Variants in LRRK1 observed in about 807,000 individuals in gnomAD.
LRRK1 encodes the protein leucine rich repeat kinase 1.
LRRK1 carries 113 observed loss-of-function variants against 209.1 expected under a neutral mutation model. The ratio of observed to expected loss-of-function variants is 0.54; its 90% CI spans 0.46 to 0.63. The LOEUF (loss-of-function observed/expected upper bound fraction) is 0.63, where lower values mean the gene tolerates loss of function less well. Ranked by LOEUF, LRRK1 falls within the 30% of genes least tolerant of loss-of-function variation. LRRK1 has a pLI of 0.00. For synonymous variants in LRRK1, 1,144 were observed against 1,099.7 expected (o/e 1.04, Z -0.80); for missense variants, 2,284 against 2,632.2 (o/e 0.87, Z 2.89).
In LRRK1 at chr15:100,919,840, C is replaced by T. The variant is rs1235578482; in HGVS notation, c.-123+389C>T. ...CACGAGCCGGGGAGCCCATAGGTTT[C>T]CTCTGCCTTTGGAGCGAACCCAGTC... On this transcript the variant is annotated intron_variant, in intron 1 of 33. Transcript: ENST00000388948. The surrounding 1 kb of genome is among the most constrained non-coding windows in gnomAD (Gnocchi z 5.8). Among the ~76,000 whole-genome samples the T allele has an allele frequency of 1.3e-5, 2 of 152,196 alleles. No individual in the cohort carries two copies. Among genetic ancestry groups the T allele is most frequent in the Non-Finnish European group, 2.9e-5 (2 of 68,028 alleles).
At chr15:101,044,983 C>T (rs553671032) in intron 20 of LRRK1, among the ~76,000 whole-genome samples, 2 of 152,330 alleles carry the variant, frequency 1.3e-5, no homozygotes, top group African/African-American at 4.8e-5. Flanking sequence ...GAAAAGGCCT[C>T]CTGCTTCACC....
At chr15:101,012,172 A>C in intron 10 of LRRK1, 27 bp downstream of exon 10, 1 of 1,570,346 alleles carries the variant, frequency 6.4e-7, no homozygotes, top group South Asian at 1.2e-5. Flanking sequence ...TTTCTTTCTC[A>C]TTTTCGGCTT....
At chr15:101,006,327 A>G (rs1014936279) in intron 6 of LRRK1, among the ~76,000 whole-genome samples, 1 of 150,860 alleles carries the variant, frequency 6.6e-6, no homozygotes. Flanking sequence ...TCTGCCCCCG[A>G]TGAAGAGGCT....
chr15:100,989,206 A>G, intron 5 of LRRK1, 44 bp from the exon 6 acceptor site: 4 of 1,410,630 alleles, frequency 2.8e-6, no homozygotes, highest in Admixed American at 1.8e-5. Flanking sequence ...CGACTGTGAC[A>G]CTAGCATCTG....
At chr15:101,068,163 A>G (rs2036638478) in intron 33 of LRRK1, among the ~76,000 whole-genome samples, 1 of 152,236 alleles carries the variant, frequency 6.6e-6, no homozygotes, top group South Asian at 2.1e-4. Context: ...AACTGTCCAC[A>G]GTTTCAAAAA....
intron 33 of LRRK1, among the ~76,000 whole-genome samples, chr15:101,067,769 C>T (rs527952364): frequency 6.6e-6 from 1 of 152,192 alleles, no homozygotes; most frequent in African/African-American, 2.4e-5. Context: ...AAGCCTTGAA[C>T]TGATGGAGTT....
rs1460242604 is a variant in LRRK1 at position 101,051,855 on chromosome 15, T to G, written c.3584T>G (p.Leu1195Arg). ...VQYFDMEDCV[L>R]TAIERDFISC... ...TACTTCGACATGGAAGACTGTGTCC[T>G]GACGGCCATCGAGCGGGACTTCATC... The change falls in exon 24 of 34, where the codon CTG (leucine) becomes CGG (arginine). Residue 1195 changes from leucine (L) to arginine (R), a missense_variant. Physicochemically the swap from Leu to Arg is moderately radical, Grantham distance 102. Transcript: ENST00000388948. 6 of 1,614,154 alleles carry G rather than the reference T, an allele frequency of 3.7e-6. No homozygotes were observed. Among genetic ancestry groups the G allele is most frequent in the Non-Finnish European group, 4.2e-6 (5 of 1,180,042 alleles).
chr15:100,983,830 C>A (rs779008608), intron 4 of LRRK1, 131 bp downstream of exon 4: 5 of 951,980 alleles, frequency 5.3e-6, no homozygotes, highest in Non-Finnish European at 8.5e-6. Context: ...CCATTGACAC[C>A]CAAACAAAGT....
At chr15:100,977,142 A>G (rs2031339950) in intron 3 of LRRK1, among the ~76,000 whole-genome samples, 1 of 151,752 alleles carries the variant, frequency 6.6e-6, no homozygotes, top group South Asian at 2.1e-4. Flanking sequence ...ATCCCAAACC[A>G]GATACTGAGG....
intron 21 of LRRK1, among the ~76,000 whole-genome samples, chr15:101,046,836 G>A (rs970061000): frequency 2.0e-5 from 3 of 152,244 alleles, no homozygotes; most frequent in African/African-American, 7.2e-5. Flanking sequence ...TTTACCTGGG[G>A]TTACAGGAAG....
At position 101,061,197 on chromosome 15, in the gene LRRK1, A is replaced by C. The variant is rs2036155635; in HGVS notation, c.4706A>C (p.Lys1569Thr). ...SRNYTVVNTEKGLMEVQRMCC... is the reference protein window; with the variant it reads ...SRNYTVVNTETGLMEVQRMCC... ...AACTACACGGTGGTGAACACAGAGAAGGGCCTCATGGAGGTGCAGAGGATG... is the reference window on the plus strand; with the variant it reads ...AACTACACGGTGGTGAACACAGAGACGGGCCTCATGGAGGTGCAGAGGATG... The change falls in exon 30 of 34, where the codon AAG (lysine) becomes ACG (threonine). Residue 1569 changes from lysine to threonine, a missense_variant. Physicochemically the swap from Lys to Thr is moderately conservative, Grantham distance 78 (BLOSUM62 -1). Transcript: ENST00000388948. The C allele has an allele frequency of 6.2e-7, 1 of 1,614,060 alleles. No homozygotes were observed. Among genetic ancestry groups the C allele is most frequent in the East Asian group, 2.2e-5 (1 of 44,870 alleles).
chr15:100,927,468 C>T (rs371998647), intron 2 of LRRK1, among the ~76,000 whole-genome samples: 1 of 152,138 alleles, frequency 6.6e-6, no homozygotes, highest in South Asian at 2.1e-4. Flanking sequence ...CTGTATAACC[C>T]AAGGGACACA....
At chr15:100,923,243 A>G (rs2042050284) in intron 1 of LRRK1, among the ~76,000 whole-genome samples, 1 of 152,134 alleles carries the variant, frequency 6.6e-6, no homozygotes, top group Admixed American at 6.5e-5. Context: ...GTGGATGTCT[A>G]TTTTTAACAG....
chr15:100,981,936 A>G (rs1438296399), intron 3 of LRRK1, among the ~76,000 whole-genome samples: 8 of 152,232 alleles, frequency 5.3e-5, no homozygotes, highest in African/African-American at 1.9e-4. Flanking sequence ...GGGGCTGTTT[A>G]TGCATATTCC....
chr15:101,061,063 G>T (rs1466199848), intron 29 of LRRK1, 108 bp from the exon 30 acceptor site: 3 of 804,532 alleles, frequency 3.7e-6, no homozygotes, highest in Non-Finnish European at 6.4e-6. Context: ...GCAACCCTGG[G>T]TGGGAGCAGG....
chr15:101,027,260 G>A lies in LRRK1; in HGVS notation c.2406-1G>A. The A allele has an allele frequency of 6.2e-7, 1 of 1,613,970 alleles. No homozygotes were observed. Among genetic ancestry groups the A allele is most frequent in the Non-Finnish European group, 8.5e-7 (1 of 1,179,968 alleles). The stretch of plus-strand genomic sequence containing the variant: ...GTAAAGACGGGTCTTTTTGCTCACA[G>A]TGAGATTTCCTGCAAGAGCCTGGAA... On this transcript the variant is annotated splice_acceptor_variant, in intron 17 of 33. Coordinates refer to ENST00000388948, the MANE Select transcript of LRRK1 (RefSeq NM_024652.6). LOFTEE classifies it high-confidence loss of function. This position sits in a 1 kb window ranked among gnomAD's most constrained non-coding sequence, Gnocchi z 5.1.
chr15:101,033,972 TATG>T (rs57329653), intron 20 of LRRK1, among the ~76,000 whole-genome samples: 18,250 of 152,148 alleles, frequency 0.12, 1,323 homozygotes, highest in Non-Finnish European at 0.16. Flanking sequence ...ACTGGGGTTA[TATG>T]ATATCTCATT....
chr15:101,022,730 T>G lies in LRRK1; in HGVS notation c.2067+133T>G. The G allele has an allele frequency of 1.6e-6, 1 of 612,160 alleles. No individual in the cohort carries two copies. The highest frequency in any genetic ancestry group is 2.1e-5 in the South Asian group (1 of 47,764). 37.9% of individuals were successfully genotyped at this position (612,160 alleles called of 1,614,324 possible). A position where few individuals can be genotyped will look rare whatever the true frequency, so the allele number is the denominator to read the frequency against. On this transcript the variant is annotated intron_variant, in intron 15 of 33. Coordinates refer to ENST00000388948, the MANE Select transcript of LRRK1 (RefSeq NM_024652.6). The surrounding 1 kb of genome is among the most constrained non-coding windows in gnomAD (Gnocchi z 4.0). The stretch of plus-strand genomic sequence containing the variant: ...AGCTCAGGCCCTTTGCAGGAGCCAC[T>G]GTGTACCATTCCATACCAGCTTCTG...
rs570288495 is a variant in LRRK1 at position 100,971,264 on chromosome 15, G to T, written c.98-2540G>T. On this transcript the variant is annotated intron_variant, in intron 2 of 33. Transcript: ENST00000388948. ...CATGAGAATCACTTGAACCCGGGAG[G>T]TGGAGATTGCAGTGAGCCGAGATCG... 7.9e-5 allele frequency among the ~76,000 whole-genome samples: 12 copies of T among 151,844 alleles called. No individual in the cohort carries two copies. The East Asian group carries it at 1.5e-3, about 20-fold the overall frequency.
Sources: gnomAD v4.1 joint callset for allele counts (sites outside exome capture counted in the v4.1 genomes callset) on GRCh38, gnomAD v4.1.1 for gene constraint, Gnocchi (gnomAD v3.1) non-coding constraint, MANE v1.5 for transcripts, NCBI Gene and HGNC (gene_info 2026-07-23, HGNC 2026-07-21) for gene names.